LPXN: variants seen among roughly 807,000 people sequenced by gnomAD.
The protein encoded by LPXN is leupaxin.
LPXN carries 28 observed loss-of-function variants against 45.6 expected under a neutral mutation model. The observed-to-expected ratio is 0.61, with a 90% CI of 0.45 to 0.84. The LOEUF (loss-of-function observed/expected upper bound fraction) is 0.84, where lower values mean the gene tolerates loss of function less well. Ranked by LOEUF, LPXN falls within the 40% of genes least tolerant of loss-of-function variation. The pLI, the probability that LPXN is intolerant of heterozygous loss-of-function variation, is 0.00. For missense variants in LPXN, 459 were observed against 475.0 expected (o/e 0.97, Z 0.31); for synonymous variants, 166 against 169.9 (o/e 0.98, Z 0.18).
intron 7 of LPXN, among the ~76,000 whole-genome samples, chr11:58,533,707 A>G (rs1853464777): frequency 6.6e-6 from 1 of 152,238 alleles, no homozygotes; most frequent in Non-Finnish European, 1.5e-5. Flanking sequence ...TAAATGTCCC[A>G]ATTAAGACAC....
intron 7 of LPXN, among the ~76,000 whole-genome samples, chr11:58,543,689 C>T (rs187640252): frequency 0.014 from 2,070 of 152,138 alleles, 50 homozygotes; most frequent in African/African-American, 0.047. Context: ...AATGTTATAC[C>T]TCTAACTTAA....
At chr11:58,569,473 C>T (rs547105852) in intron 2 of LPXN, among the ~76,000 whole-genome samples, 1 of 151,934 alleles carries the variant, frequency 6.6e-6, no homozygotes, top group East Asian at 1.9e-4. Flanking sequence ...ACTGCAGCCT[C>T]GACCACCTGG....
chr11:58,565,259 C>T (rs1026487989), intron 2 of LPXN, among the ~76,000 whole-genome samples: 4 of 151,986 alleles, frequency 2.6e-5, no homozygotes, highest in Non-Finnish European at 5.9e-5. Flanking sequence ...ATTGGACGGG[C>T]GTGGTGGCTC....
chr11:58,551,303 T>A (rs1273708511), intron 4 of LPXN, 71 bp from the exon 5 acceptor site: 2 of 1,319,348 alleles, frequency 1.5e-6, no homozygotes, highest in African/African-American at 3.0e-5. Context: ...CTAATGACTC[T>A]ATAAATTCAC....
chr11:58,574,296 C>T (rs1405282843), intron 1 of LPXN, among the ~76,000 whole-genome samples: 1 of 152,148 alleles, frequency 6.6e-6, no homozygotes, highest in Non-Finnish European at 1.5e-5. Context: ...ATTGGACAGA[C>T]ACCAGAACCA....
At chr11:58,575,922 C>G, upstream of LPXN, 1 of 1,478,134 alleles carries the variant, frequency 6.8e-7, no homozygotes, top group Non-Finnish European at 8.9e-7. Flanking sequence ...AGCACTTCCT[C>G]TCTTTTGATT....
Position 58,570,645 on chromosome 11 carries a change from G to C in LPXN, c.82C>G (p.Leu28Val), listed in dbSNP as rs749006421. 1.2e-6 allele frequency: 2 copies of C among 1,613,936 alleles called. No individual in the cohort carries two copies. The highest frequency in any genetic ancestry group is 2.7e-5 in the African/African-American group (2 of 75,042). ...DSDEYSNPAPLPLDQHSRKET... is the reference protein window; with the variant it reads ...DSDEYSNPAPVPLDQHSRKET... ...TTTCTGGAATGCTGATCCAGGGGAA[G>C]AGGAGCTGGGTTGGAATATTCATCA... The change falls in exon 2 of 9, where the codon CTT becomes GTT. Residue 28 changes from leucine to valine, a missense_variant. Leu to Val is a conservative substitution (Grantham distance 32). Transcript: ENST00000395074.
At chr11:58,575,948 T>A, upstream of LPXN, 1 of 1,445,098 alleles carries the variant, frequency 6.9e-7, no homozygotes, top group Non-Finnish European at 9.0e-7. Context: ...AGCTTTTTTT[T>A]TTTTTTCATA....
chr11:58,556,247 G>A (rs984042521), intron 3 of LPXN, among the ~76,000 whole-genome samples: 12 of 151,752 alleles, frequency 7.9e-5, no homozygotes, highest in African/African-American at 2.9e-4. Flanking sequence ...TTAGGAAAAA[G>A]ATTAATATAA....
intron 3 of LPXN, among the ~76,000 whole-genome samples, chr11:58,555,366 T>C (rs1024940717): frequency 1.3e-5 from 2 of 152,206 alleles, no homozygotes; most frequent in Non-Finnish European, 2.9e-5. Context: ...ACTTACTATC[T>C]GCCTCTTTAC....
At chr11:58,555,685 C>T (rs1854178976) in intron 3 of LPXN, among the ~76,000 whole-genome samples, 1 of 151,672 alleles carries the variant, frequency 6.6e-6, no homozygotes, top group South Asian at 2.1e-4. Context: ...CTAAATAATT[C>T]TTGGGATAAA....
chr11:58,565,747 C>G lies in LPXN; in HGVS notation c.172-1546G>C, dbSNP rs184966206. On this transcript the variant is annotated intron_variant, in intron 2 of 8. Coordinates refer to ENST00000395074, the MANE Select transcript of LPXN (RefSeq NM_004811.3). Reference sequence around the variant, plus strand: ...CCTATCATCCCAGCACTTTGGGAGGCTGAGGCACGTGCATCATTTGAGGTC... The same window carrying G: ...CCTATCATCCCAGCACTTTGGGAGGGTGAGGCACGTGCATCATTTGAGGTC... Among the ~76,000 whole-genome samples, 8 of 152,196 alleles carry G rather than the reference C, an allele frequency of 5.3e-5. No homozygotes were observed. The East Asian group carries it at 1.5e-3, about 29-fold the overall frequency.
At chr11:58,550,937 G>T in intron 5 of LPXN, 128 bp downstream of exon 5, 2 of 820,008 alleles carry the variant, frequency 2.4e-6, no homozygotes, top group Non-Finnish European at 3.5e-6. Flanking sequence ...AGTGGCCAGA[G>T]CACTGTAAGT....
At chr11:58,550,927 A>G in intron 5 of LPXN, 138 bp downstream of exon 5, 1 of 697,868 alleles carries the variant, frequency 1.4e-6, no homozygotes, top group Non-Finnish European at 2.2e-6. Flanking sequence ...CACTTAGCTC[A>G]GTGGCCAGAG....
At chr11:58,548,191 C>A (rs949344762) in intron 7 of LPXN, among the ~76,000 whole-genome samples, 1 of 152,126 alleles carries the variant, frequency 6.6e-6, no homozygotes, top group Non-Finnish European at 1.5e-5. Context: ...TTCAGATATT[C>A]AAGTTCTCAA....
intron 7 of LPXN, among the ~76,000 whole-genome samples, chr11:58,530,669 C>G (rs1232928715): frequency 6.6e-6 from 1 of 152,200 alleles, no homozygotes; most frequent in Non-Finnish European, 1.5e-5. Context: ...CTGAAGAGAG[C>G]AGTGGATCTC....
chr11:58,531,017 G>C (rs2515349), intron 7 of LPXN, among the ~76,000 whole-genome samples: 1 of 152,144 alleles, frequency 6.6e-6, no homozygotes, highest in African/African-American at 2.4e-5. Flanking sequence ...AACATCAACA[G>C]AAAGGACATC....
chr11:58,564,875 G>C (rs929664152), intron 2 of LPXN, among the ~76,000 whole-genome samples: 2 of 152,166 alleles, frequency 1.3e-5, no homozygotes, highest in African/African-American at 2.4e-5. Context: ...GCTTGAGCAA[G>C]GACTTATATA....
intron 7 of LPXN, among the ~76,000 whole-genome samples, chr11:58,543,405 G>C (rs535484753): frequency 6.6e-6 from 1 of 152,064 alleles, no homozygotes; most frequent in African/African-American, 2.4e-5. Context: ...TAACTTTTAC[G>C]TAAGAATCCC....
Sources: allele counts gnomAD v4.1 joint callset (sites outside exome capture counted in the v4.1 genomes callset), GRCh38; gene constraint gnomAD v4.1.1; transcripts MANE v1.5; gene names NCBI Gene and HGNC (gene_info 2026-07-23, HGNC 2026-07-21).